Variants in FGD5 observed in about 807,000 individuals in gnomAD.
FGD5 encodes FYVE, RhoGEF and PH domain containing 5.
Under a neutral mutation model 133.4 loss-of-function variants are expected in FGD5, and 28 were observed. That is an observed-to-expected ratio of 0.21 (90% confidence interval 0.16 to 0.29). FGD5 has a LOEUF of 0.29. FGD5 is among the 10% of genes least tolerant of loss of function. The probability of loss-of-function intolerance (pLI) is 1.00; values close to 1 mark genes in which losing one functional copy is unlikely to be tolerated. For missense variants in FGD5, 1,858 were observed against 1,895.2 expected, an observed-to-expected ratio of 0.98 and a Z score of 0.36; for synonymous variants, 810 against 776.5, an observed-to-expected ratio of 1.04 and a Z score of -0.72.
intron 1 of FGD5, among the ~76,000 whole-genome samples, chr3:14,861,383 C>G (rs138472726): frequency 3.3e-4 from 51 of 152,282 alleles, no homozygotes; most frequent in Non-Finnish European, 6.6e-4. Context: ...AAGCCTAACT[C>G]AAGAGCATGA....
chr3:14,913,371 C>G (rs1334647157), intron 11 of FGD5, among the ~76,000 whole-genome samples: 1 of 152,146 alleles, frequency 6.6e-6, no homozygotes, highest in East Asian at 1.9e-4. Flanking sequence ...CTCATCAGCT[C>G]CCTGCCCCAG....
chr3:14,917,312 T>C lies in FGD5; in HGVS notation c.3469T>C (p.Leu1157=). 9 of 1,613,444 alleles carry C rather than the reference T, an allele frequency of 5.6e-6. No homozygotes were observed. The highest frequency in any genetic ancestry group is 1.1e-5 in the South Asian group (1 of 90,844). Residue 1157 remains leucine, a synonymous_variant, in exon 12 of 20, where the codon TTG becomes CTG. Transcript: ENST00000285046. The surrounding 1 kb of genome is among the most constrained non-coding windows in gnomAD (Gnocchi z 4.1). ...TGGGAAGTACCGGCTGAAGAACACA[T>C]TGGCTGTGGCCAACATGAAGGTAAA... ...KDGKYRLKNT[L]AVANMKVSRP...
intron 1 of FGD5, among the ~76,000 whole-genome samples, chr3:14,827,454 T>G (rs1283307216): frequency 6.6e-6 from 1 of 152,038 alleles, no homozygotes; most frequent in Admixed American, 6.5e-5. Flanking sequence ...GCTAATTTTT[T>G]GTATTTTTTA....
rs141550736 is a variant in FGD5, at chr3:14,841,898, A to G, written c.2525+20302A>G. On this transcript the variant is annotated intron_variant, in intron 1 of 19. Transcript: ENST00000285046. ...CAGGGTCCAGGCCCTGGCCCTCTGC[A>G]GTCCTTTCTTTCCAGCGAGGACTCA... Among the ~76,000 whole-genome samples the G allele has an allele frequency of 7.9e-3, 1,209 of 152,248 alleles. 14 individuals carry two copies. Among genetic ancestry groups the G allele is most frequent in the Middle Eastern group, 0.024 (7 of 294 alleles).
intron 4 of FGD5, among the ~76,000 whole-genome samples, chr3:14,889,363 G>A (rs533057622): frequency 5.7e-4 from 87 of 152,254 alleles, no homozygotes; most frequent in Non-Finnish European, 9.7e-4. Context: ...GTACTGTTAC[G>A]TGTCTGGCTG....
At chr3:14,909,248 G>A (rs568150026) in intron 10 of FGD5, among the ~76,000 whole-genome samples, 70 of 152,256 alleles carry the variant, frequency 4.6e-4, no homozygotes, top group African/African-American at 1.6e-3. Flanking sequence ...GATTACAGGC[G>A]TGAGCCACTG....
rs925359597 is a variant in FGD5 at position 14,897,214 on chromosome 3, G to A, written c.2749-295G>A. The A allele has an allele frequency of 2.3e-5, 8 of 349,088 alleles. 1 individual carries two copies. The South Asian group carries it at 3.9e-4, about 17-fold the overall frequency. The allele number at this position is 349,088 out of a possible 1,614,324, so 21.6% of individuals were successfully genotyped here. A position where few individuals can be genotyped will look rare whatever the true frequency, so the allele number is the denominator to read the frequency against. ...ATCTCTCCCCTATCTTGAAAAAGAAGAGTGTTCACCACGTGGCCACAACGA... is the reference window on the plus strand; with the variant it reads ...ATCTCTCCCCTATCTTGAAAAAGAAAAGTGTTCACCACGTGGCCACAACGA... On this transcript the variant is annotated intron_variant, in intron 4 of 19. Coordinates refer to ENST00000285046, the MANE Select transcript of FGD5 (RefSeq NM_152536.4).
chr3:14,820,468 C>A lies in FGD5; in HGVS notation c.1397C>A (p.Ala466Glu). 1 of 1,613,972 alleles carries A rather than the reference C, an allele frequency of 6.2e-7. No individual in the cohort carries two copies. The highest frequency in any genetic ancestry group is 8.5e-7 in the Non-Finnish European group (1 of 1,179,882). ...TCGAAAGAAGAATTGAACTGTGAGG[C>A]AGAGGGTGGCCTGGTTCCCGCGGAC... Reference protein sequence around the residue: ...YGSKEELNCEAEGGLVPADRK... With the variant: ...YGSKEELNCEEEGGLVPADRK... Residue 466 changes from alanine (A) to glutamate (E), a missense_variant, in exon 1 of 20, where the codon GCA becomes GAA. Ala to Glu is a moderately radical substitution (Grantham distance 107, BLOSUM62 -1). Coordinates refer to ENST00000285046, the MANE Select transcript of FGD5 (RefSeq NM_152536.4).
At chr3:14,911,743 C>T (rs1417335799) in intron 11 of FGD5, among the ~76,000 whole-genome samples, 1 of 148,540 alleles carries the variant, frequency 6.7e-6, no homozygotes, top group African/African-American at 2.5e-5. Context: ...AGCAGACAGC[C>T]CATTGTAAAT....
chr3:14,930,921 T>C (rs2038890320), intron 18 of FGD5: 1 of 152,222 alleles, frequency 6.6e-6, no homozygotes, highest in South Asian at 2.1e-4. Flanking sequence ...ACATAAAAAC[T>C]GATTATCTTG....
At chr3:14,866,523 G>A (rs2037496498) in intron 2 of FGD5, among the ~76,000 whole-genome samples, 1 of 152,248 alleles carries the variant, frequency 6.6e-6, no homozygotes, top group South Asian at 2.1e-4. Flanking sequence ...TTCAGACTCA[G>A]CTTTGTCCCT....
intron 1 of FGD5, among the ~76,000 whole-genome samples, chr3:14,851,065 T>G (rs1375761288): frequency 6.6e-6 from 1 of 152,100 alleles, no homozygotes; most frequent in Non-Finnish European, 1.5e-5. Flanking sequence ...ATGGGGAAAC[T>G]AAGGCCCTTG....
chr3:14,906,164 C>A (rs967923358), intron 9 of FGD5, among the ~76,000 whole-genome samples: 1 of 152,204 alleles, frequency 6.6e-6, no homozygotes, highest in Non-Finnish European at 1.5e-5. Context: ...AGGCCCTCTC[C>A]CCATGTTCTT....
At chr3:14,907,614 C>T (rs762009230) in intron 9 of FGD5, 26 bp from the exon 10 acceptor site, 5 of 1,609,938 alleles carry the variant, frequency 3.1e-6, no homozygotes, top group Non-Finnish European at 4.2e-6. Context: ...CTGACCATCT[C>T]TCCCTCACCC....
intron 1 of FGD5, among the ~76,000 whole-genome samples, chr3:14,826,392 C>T (rs2036598751): frequency 6.6e-6 from 1 of 152,128 alleles, no homozygotes; most frequent in African/African-American, 2.4e-5. Flanking sequence ...TTTCTGTTTA[C>T]AGATGAGGAC....
intron 4 of FGD5, among the ~76,000 whole-genome samples, chr3:14,891,650 G>A (rs758543672): frequency 2.6e-4 from 39 of 152,306 alleles, no homozygotes; most frequent in African/African-American, 2.4e-4. Flanking sequence ...CACCCTCCTC[G>A]TGTCCTCCCC....
At chr3:14,863,057 TG>T (rs1264083525) in intron 1 of FGD5, among the ~76,000 whole-genome samples, 2 of 152,196 alleles carry the variant, frequency 1.3e-5, no homozygotes, top group African/African-American at 4.8e-5. Flanking sequence ...TCCCCCTGCC[TG>T]GGCCAGGGCC....
At chr3:14,886,514 A>G (rs1012382948) in intron 4 of FGD5, among the ~76,000 whole-genome samples, 28 of 152,184 alleles carry the variant, frequency 1.8e-4, no homozygotes, top group Admixed American at 7.9e-4. Flanking sequence ...AGCAGGTGCC[A>G]TGGCCAGACC....
intron 4 of FGD5, among the ~76,000 whole-genome samples, chr3:14,881,248 T>C (rs1575228666): frequency 1.3e-5 from 2 of 152,116 alleles, no homozygotes; most frequent in South Asian, 4.1e-4. Context: ...GAGCTGGTGG[T>C]GAGGGGCTCC....
Sources: gnomAD v4.1 joint callset for allele counts (sites outside exome capture counted in the v4.1 genomes callset) on GRCh38, gnomAD v4.1.1 for gene constraint, Gnocchi (gnomAD v3.1) non-coding constraint, MANE v1.5 for transcripts, NCBI Gene and HGNC (gene_info 2026-07-23, HGNC 2026-07-21) for gene names.